Variants in BBS4 observed in about 807,000 individuals in gnomAD.
The protein encoded by BBS4 is BBSome complex member BBS4.
In BBS4, 58 loss-of-function variants were observed where a neutral mutation model predicts 71.4. The ratio of observed to expected loss-of-function variants is 0.81; its 90% confidence interval spans 0.66 to 1.01. The LOEUF (loss-of-function observed/expected upper bound fraction) is 1.01, where lower values mean the gene tolerates loss of function less well. BBS4 is among the 50% of genes least tolerant of loss of function. The probability of loss-of-function intolerance (pLI) is 0.00; values close to 1 mark genes in which losing one functional copy is unlikely to be tolerated. For missense variants in BBS4, 660 were observed against 607.9 expected, an observed-to-expected ratio of 1.09 and a Z score of -0.90; for synonymous variants, 228 against 216.8, an observed-to-expected ratio of 1.05 and a Z score of -0.46.
In BBS4 at chr15:72,714,155, TAAAC is replaced by T. The variant is rs900781860; in HGVS notation, c.221-1133_221-1130del. Among the ~76,000 whole-genome samples, 9 of 144,594 alleles carry T rather than the reference TAAAC, an allele frequency of 6.2e-5. No individual in the cohort carries two copies. In the South Asian group the frequency reaches 1.8e-3, roughly 28 times the overall value. The allele number at this position is 144,594 out of a possible 152,430, so 94.9% of individuals were successfully genotyped here. ...AGGATGAGGGGAAGAAGCCTGGAAA[TAAAC>T]AAGATAAAGCAGAGCATAAATTCAG... On this transcript the variant is annotated intron_variant, in intron 4 of 15. Coordinates refer to ENST00000268057, the MANE Select transcript of BBS4 (RefSeq NM_033028.5).
chr15:72,697,074 C>T (rs781272937), intron 2 of BBS4, among the ~76,000 whole-genome samples: 1 of 151,812 alleles, frequency 6.6e-6, no homozygotes, highest in South Asian at 2.1e-4. Flanking sequence ...CTGGGATTAT[C>T]GGCATGAACC....
chr15:72,737,404 C>T, intron 15 of BBS4, 74 bp from the exon 16 acceptor site: 1 of 1,336,564 alleles, frequency 7.5e-7, no homozygotes, highest in Non-Finnish European at 1.1e-6. Flanking sequence ...TCCTCTTGAA[C>T]TCTAACAGCA....
At chr15:72,736,259 T>C (rs1174428088) in intron 14 of BBS4, among the ~76,000 whole-genome samples, 1 of 132,970 alleles carries the variant, frequency 7.5e-6, no homozygotes, top group Non-Finnish European at 1.6e-5. Flanking sequence ...TTTTTTTTTT[T>C]GAGACGGAAT....
chr15:72,697,301 T>C (rs1372881730), intron 2 of BBS4, among the ~76,000 whole-genome samples: 2 of 152,194 alleles, frequency 1.3e-5, no homozygotes, highest in Non-Finnish European at 2.9e-5. Context: ...TTTAACAAAT[T>C]AAAAAAGTAG....
chr15:72,729,658 C>G lies in BBS4; in HGVS notation c.685C>G (p.Leu229Val). The change falls in exon 10 of 16, where the codon CTG becomes GTG. Residue 229 changes from leucine to valine, a missense_variant. By Grantham distance (32) the Leu-to-Val change is conservative (BLOSUM62 1). Transcript: ENST00000268057. ...GGCATTTGAACATCTTGGCAATGCA[C>G]TGACTTATGACCCTACCAACTACAA... Reference protein sequence around the residue: ...QKAFEHLGNALTYDPTNYKAI... With the variant: ...QKAFEHLGNAVTYDPTNYKAI... 3 of 1,614,068 alleles carry G rather than the reference C, an allele frequency of 1.9e-6. No individual in the cohort carries two copies. The highest frequency in any genetic ancestry group is 1.7e-6 in the Non-Finnish European group (2 of 1,179,986).
chr15:72,704,946 A>G (rs913290804), intron 2 of BBS4, among the ~76,000 whole-genome samples: 1 of 152,132 alleles, frequency 6.6e-6, no homozygotes, highest in Admixed American at 6.6e-5. Flanking sequence ...ATAATAGGTA[A>G]CATTTCTTTA....
intron 6 of BBS4, among the ~76,000 whole-genome samples, chr15:72,719,330 C>CT (rs1223971166): frequency 1.3e-5 from 2 of 149,104 alleles, no homozygotes; most frequent in Admixed American, 1.4e-4. Context: ...TCATAGCTTA[C>CT]TGTAACCTCC....
chr15:72,710,489 C>T lies in BBS4; in HGVS notation c.156+710C>T, dbSNP rs1293863691. On this transcript the variant is annotated intron_variant, in intron 3 of 15. Transcript: ENST00000268057. ...TGCTGGGATTACAGGCGTGAGCCAC[C>T]GTGCCCAGCCCTGAGTTTTATTTTT... 2.0e-5 allele frequency among the ~76,000 whole-genome samples: 3 copies of T among 152,204 alleles called. No individual in the cohort carries two copies. The East Asian group carries it at 5.8e-4, about 29-fold the overall frequency.
In BBS4 at chr15:72,737,500, C is replaced by G. The variant is rs886051468; in HGVS notation, c.1473C>G (p.Phe491Leu). Residue 491 changes from phenylalanine to leucine, a missense_variant, in exon 16 of 16, where the codon TTC becomes TTG. Transcript: ENST00000268057. Reference sequence around the variant, plus strand: ...TAGGTGCTGGAGGAACATCCCAGTTCACAAAGCCCCCATCTCTTCCTCTGG... The same window carrying G: ...TAGGTGCTGGAGGAACATCCCAGTTGACAAAGCCCCCATCTCTTCCTCTGG... ...LPSGAGGTSQ[F>L]TKPPSLPLEP... 1.2e-6 allele frequency: 2 copies of G among 1,612,874 alleles called. No individual in the cohort carries two copies. The highest frequency in any genetic ancestry group is 4.5e-5 in the East Asian group (2 of 44,884).
chr15:72,692,394 C>T (rs1444666291), intron 1 of BBS4, among the ~76,000 whole-genome samples: 2 of 133,026 alleles, frequency 1.5e-5, no homozygotes, highest in African/African-American at 5.6e-5. Context: ...TGGCTCACTG[C>T]AACCTCTGCC....
intron 2 of BBS4, among the ~76,000 whole-genome samples, chr15:72,699,254 T>A (rs937782042): frequency 6.6e-6 from 1 of 152,068 alleles, no homozygotes; most frequent in African/African-American, 2.4e-5. Context: ...GCCTGGCTAA[T>A]TTTTTGTCTT....
At chr15:72,706,745 A>G (rs1209769231) in intron 2 of BBS4, among the ~76,000 whole-genome samples, 1 of 152,242 alleles carries the variant, frequency 6.6e-6, no homozygotes, top group Non-Finnish European at 1.5e-5. Context: ...ATGTAAAGTC[A>G]TATCCATACT....
At chr15:72,704,769 A>T (rs2065233115) in intron 2 of BBS4, among the ~76,000 whole-genome samples, 1 of 152,080 alleles carries the variant, frequency 6.6e-6, no homozygotes, top group African/African-American at 2.4e-5. Context: ...AATCCCAGCT[A>T]CTCAGTAGGC....
intron 3 of BBS4, among the ~76,000 whole-genome samples, chr15:72,711,622 A>G (rs1229694549): frequency 6.6e-6 from 1 of 152,114 alleles, no homozygotes; most frequent in Non-Finnish European, 1.5e-5. Context: ...TCTCTACATC[A>G]TATTTGTTAT....
intron 6 of BBS4, among the ~76,000 whole-genome samples, chr15:72,718,138 C>T (rs772240645): frequency 1.3e-5 from 2 of 152,122 alleles, no homozygotes; most frequent in Non-Finnish European, 2.9e-5. Context: ...TGTGAGACAC[C>T]ACGCCTGACC....
chr15:72,713,544 T>A (rs2065416498), intron 4 of BBS4, among the ~76,000 whole-genome samples: 1 of 152,096 alleles, frequency 6.6e-6, no homozygotes, highest in Non-Finnish European at 1.5e-5. Flanking sequence ...TTTTAGTAAG[T>A]GGAAGGAGTA....
At chr15:72,708,822 C>G (rs2065312558) in intron 2 of BBS4, among the ~76,000 whole-genome samples, 1 of 152,154 alleles carries the variant, frequency 6.6e-6, no homozygotes, top group Non-Finnish European at 1.5e-5. Flanking sequence ...ACACCCTGGT[C>G]TCCTGCAGTA....
intron 6 of BBS4, among the ~76,000 whole-genome samples, chr15:72,720,619 C>T (rs562977437): frequency 6.6e-6 from 1 of 152,100 alleles, no homozygotes; most frequent in Middle Eastern, 3.4e-3. Context: ...TGGAACAGTT[C>T]TGTTAAGTAG....
chr15:72,737,973 T>C lies in BBS4; in HGVS notation c.*386T>C, dbSNP rs1276752140. On this transcript the variant is annotated 3_prime_UTR_variant, in exon 16 of 16. Coordinates refer to ENST00000268057, the MANE Select transcript of BBS4 (RefSeq NM_033028.5). ...ACAGCTGAGACAGACCTCTGCTGAG[T>C]AGCTCTGTGATGACAAAGCCTTGGT... The C allele has an allele frequency of 4.4e-6, 2 of 454,566 alleles. No homozygotes were observed. The highest frequency in any genetic ancestry group is 4.0e-5 in the African/African-American group (2 of 50,026). 28.2% of individuals were successfully genotyped at this position (454,566 alleles called of 1,614,324 possible).
Sources: allele counts gnomAD v4.1 joint callset (sites outside exome capture counted in the v4.1 genomes callset), GRCh38; gene constraint gnomAD v4.1.1; transcripts MANE v1.5; gene names NCBI Gene and HGNC (gene_info 2026-07-23, HGNC 2026-07-21).